CNNM2: variants seen among roughly 807,000 people sequenced by gnomAD.
The protein encoded by CNNM2 is metal transporter CNNM2.
In CNNM2, 12 loss-of-function variants were observed where a neutral mutation model predicts 66.9. The ratio of observed to expected loss-of-function variants is 0.18; its 90% CI spans 0.11 to 0.29. The LOEUF (loss-of-function observed/expected upper bound fraction) is 0.29, where lower values mean the gene tolerates loss of function less well. Among genes scored for constraint, CNNM2 ranks in the 10% least tolerant of loss-of-function variants. The pLI is 1.00. For synonymous variants in CNNM2, 557 were observed against 501.8 expected (o/e 1.11, Z -1.47); for missense variants, 705 against 1,167.7 (o/e 0.60, Z 5.77).
At chr10:102,941,094 A>C (rs1846415428) in intron 1 of CNNM2, among the ~76,000 whole-genome samples, 1 of 152,150 alleles carries the variant, frequency 6.6e-6, no homozygotes, top group Non-Finnish European at 1.5e-5. Context: ...AAATTAATGC[A>C]TGAATCAGTC....
At chr10:103,071,901 C>CT (rs2065590465) in intron 6 of CNNM2, 62 bp downstream of exon 6, 1 of 1,462,178 alleles carries the variant, frequency 6.8e-7, no homozygotes, top group Non-Finnish European at 9.6e-7. Context: ...CCCATCACGC[C>CT]TGGCTGGCTG....
At chr10:102,935,774 C>CTTTT (rs34196326) in intron 1 of CNNM2, among the ~76,000 whole-genome samples, 206 of 78,008 alleles carry the variant, frequency 2.6e-3, no homozygotes, top group Non-Finnish European at 3.1e-3. Context: ...CTGCACCTGG[C>CTTTT]TTTTTTTTTT....
At chr10:102,998,661 A>G (rs1430283241) in intron 1 of CNNM2, among the ~76,000 whole-genome samples, 1 of 152,144 alleles carries the variant, frequency 6.6e-6, no homozygotes, top group African/African-American at 2.4e-5. Context: ...CTATATAGAA[A>G]ATGCTGAGGA....
intron 1 of CNNM2, among the ~76,000 whole-genome samples, chr10:102,957,714 T>A (rs1011120701): frequency 9.2e-5 from 14 of 152,196 alleles, no homozygotes; most frequent in Admixed American, 2.6e-4. Flanking sequence ...ACCATCTTTT[T>A]AAGACATTGA....
chr10:102,921,465 G>A (rs1845633378), intron 1 of CNNM2, among the ~76,000 whole-genome samples: 1 of 152,168 alleles, frequency 6.6e-6, no homozygotes, highest in South Asian at 2.1e-4. Flanking sequence ...TCACATTGTA[G>A]TAAGTTTTAT....
At chr10:102,997,956 A>T (rs1289035591) in intron 1 of CNNM2, among the ~76,000 whole-genome samples, 1 of 152,182 alleles carries the variant, frequency 6.6e-6, no homozygotes, top group East Asian at 1.9e-4. Flanking sequence ...ATAAAAAGTC[A>T]TGTTTAACAT....
chr10:102,955,662 T>G (rs1243908252), intron 1 of CNNM2, among the ~76,000 whole-genome samples: 1 of 152,002 alleles, frequency 6.6e-6, no homozygotes, highest in Non-Finnish European at 1.5e-5. Context: ...TACAAAGAAC[T>G]TAAACAAATT....
At chr10:102,981,603 G>A (rs2063721697) in intron 1 of CNNM2, among the ~76,000 whole-genome samples, 1 of 151,814 alleles carries the variant, frequency 6.6e-6, no homozygotes, top group South Asian at 2.1e-4. Flanking sequence ...ATGTTGCCCA[G>A]GCTGGTTTTG....
chr10:102,966,778 T>C (rs781539730), intron 1 of CNNM2, among the ~76,000 whole-genome samples: 3 of 152,080 alleles, frequency 2.0e-5, no homozygotes, highest in Non-Finnish European at 4.4e-5. Flanking sequence ...GTCATGGAAT[T>C]AGGAGGTGGG....
chr10:103,073,225 G>C (rs1444334056), intron 6 of CNNM2, among the ~76,000 whole-genome samples: 1 of 152,234 alleles, frequency 6.6e-6, no homozygotes, highest in Non-Finnish European at 1.5e-5. Context: ...AGTGGGGCGA[G>C]AGGAAGCAGA....
intron 1 of CNNM2, among the ~76,000 whole-genome samples, chr10:103,033,872 C>A (rs980716261): frequency 6.6e-6 from 1 of 152,172 alleles, no homozygotes; most frequent in Non-Finnish European, 1.5e-5. Flanking sequence ...ATAGAGAACA[C>A]TGGGTTTTAA....
At chr10:102,945,415 C>A (rs535473474) in intron 1 of CNNM2, among the ~76,000 whole-genome samples, 2 of 152,220 alleles carry the variant, frequency 1.3e-5, no homozygotes, top group South Asian at 4.1e-4. Context: ...AAAACAAATA[C>A]AGTATAATCT....
chr10:103,012,049 A>C (rs1156329047), intron 1 of CNNM2, among the ~76,000 whole-genome samples: 2 of 152,124 alleles, frequency 1.3e-5, no homozygotes, highest in Non-Finnish European at 2.9e-5. Context: ...TCCCCTTGCT[A>C]TCAGATCAGC....
chr10:102,934,143 A>G (rs948659073), intron 1 of CNNM2, among the ~76,000 whole-genome samples: 6 of 151,640 alleles, frequency 4.0e-5, no homozygotes, highest in Non-Finnish European at 8.8e-5. Flanking sequence ...TGCCTGCCAT[A>G]AAAGAGTAAG....
chr10:103,036,830 A>G (rs1590436147), intron 1 of CNNM2, among the ~76,000 whole-genome samples: 2 of 152,238 alleles, frequency 1.3e-5, no homozygotes, highest in East Asian at 3.8e-4. Flanking sequence ...GCCACTGTCA[A>G]TAGAAAACTA....
At chr10:103,041,191 C>T (rs1208259626) in intron 1 of CNNM2, among the ~76,000 whole-genome samples, 1 of 152,146 alleles carries the variant, frequency 6.6e-6, no homozygotes, top group Non-Finnish European at 1.5e-5. Flanking sequence ...CCGTCTTCCG[C>T]CTCACCCACC....
chr10:102,941,667 A>T (rs759185137), intron 1 of CNNM2, among the ~76,000 whole-genome samples: 49 of 152,152 alleles, frequency 3.2e-4, no homozygotes, highest in Non-Finnish European at 5.9e-4. Flanking sequence ...CTTCCTTCAG[A>T]TCTGTACTCA....
rs2065743901 is a variant in CNNM2, at chr10:103,080,175, G to A, written c.*2995G>A. On this transcript the variant is annotated 3_prime_UTR_variant, in exon 8 of 8. Coordinates refer to ENST00000369878, the MANE Select transcript of CNNM2 (RefSeq NM_017649.5). ...GACCCCTGAGTTCTGGATACTGATG[G>A]GAGGCCTCACCCTCCTTTACGGGGC... 1 of 152,148 alleles carries A rather than the reference G, an allele frequency of 6.6e-6. No individual in the cohort carries two copies. The highest frequency in any genetic ancestry group is 2.4e-5 in the African/African-American group (1 of 41,396). 9.4% of individuals were successfully genotyped at this position (152,148 alleles called of 1,614,324 possible).
rs1421379442 is a variant in CNNM2, at chr10:103,089,795, C to G, written c.*12615C>G. The G allele has an allele frequency of 1.2e-6, 2 of 1,614,020 alleles. No homozygotes were observed. Among genetic ancestry groups the G allele is most frequent in the Admixed American group, 3.3e-5 (2 of 60,024 alleles). On this transcript the variant is annotated 3_prime_UTR_variant, in exon 8 of 8. Transcript: ENST00000369878. ...CACTAATTGACCGTGTCAGCTGGTG[C>G]CGCTTGTAGTCAGTGTCTTTGAAAT... is the stretch of plus-strand genomic sequence containing the variant.
Sources: gnomAD v4.1 joint callset for allele counts (sites outside exome capture counted in the v4.1 genomes callset) on GRCh38, gnomAD v4.1.1 for gene constraint, MANE v1.5 for transcripts, NCBI Gene and HGNC (gene_info 2026-07-23, HGNC 2026-07-21) for gene names.